Variants in GNA12 observed in about 807,000 individuals in gnomAD.
GNA12 encodes the protein G protein subunit alpha 12, also known as guanine nucleotide-binding protein subunit alpha-12.
GNA12 carries 9 observed loss-of-function variants against 26.0 expected under a neutral mutation model. The observed-to-expected ratio is 0.35, with a 90% CI of 0.21 to 0.60. The LOEUF is 0.60. GNA12 is among the 20% of genes least tolerant of loss of function. The pLI, the probability that GNA12 is intolerant of heterozygous loss-of-function variation, is 0.78. For synonymous variants in GNA12, 264 were observed against 219.6 expected (o/e 1.20, Z -1.79); for missense variants, 405 against 525.8 (o/e 0.77, Z 2.25).
chr7:2,783,159 G>A (rs1055951581), intron 2 of GNA12, among the ~76,000 whole-genome samples: 1 of 152,284 alleles, frequency 6.6e-6, no homozygotes, highest in South Asian at 2.1e-4. Flanking sequence ...GAGTCTGGCT[G>A]TCTCTGTGAT....
intron 2 of GNA12, 97 bp from the exon 3 acceptor site, chr7:2,733,598 G>A (rs1790010858): frequency 1.1e-5 from 10 of 890,072 alleles, no homozygotes; most frequent in Admixed American, 1.9e-5. Flanking sequence ...GTGGCATTTC[G>A]CCTCCGTGTG....
chr7:2,789,483 A>G (rs999917444), intron 2 of GNA12, among the ~76,000 whole-genome samples: 1 of 152,168 alleles, frequency 6.6e-6, no homozygotes, highest in Non-Finnish European at 1.5e-5. Context: ...GAAAAACAGC[A>G]ACTCAGATCT....
chr7:2,768,527 G>GT (rs36000454), intron 2 of GNA12, among the ~76,000 whole-genome samples: 1 of 152,106 alleles, frequency 6.6e-6, no homozygotes, highest in Admixed American at 6.5e-5. Context: ...AATCATGGAT[G>GT]TAACACTCAG....
chr7:2,779,289 A>T (rs1342049538), intron 2 of GNA12, among the ~76,000 whole-genome samples: 1 of 152,150 alleles, frequency 6.6e-6, no homozygotes, highest in Admixed American at 6.5e-5. Context: ...CAGAGGTTGC[A>T]GTGAAACAAG....
chr7:2,774,784 C>T (rs535774985), intron 2 of GNA12, among the ~76,000 whole-genome samples: 1 of 152,156 alleles, frequency 6.6e-6, no homozygotes, highest in South Asian at 2.1e-4. Flanking sequence ...AGTACAAAGC[C>T]CAGGGTACTT....
chr7:2,809,582 A>C (rs894290913), intron 1 of GNA12, among the ~76,000 whole-genome samples: 1 of 152,212 alleles, frequency 6.6e-6, no homozygotes, highest in African/African-American at 2.4e-5. Flanking sequence ...TCGTATGTCA[A>C]AGACAAAATT....
At chr7:2,773,095 T>C (rs1025412609) in intron 2 of GNA12, among the ~76,000 whole-genome samples, 9 of 152,170 alleles carry the variant, frequency 5.9e-5, no homozygotes, top group African/African-American at 2.2e-4. Context: ...GAAACTAGCG[T>C]GGTCACCAGG....
At chr7:2,767,160 T>G (rs779986010) in intron 2 of GNA12, among the ~76,000 whole-genome samples, 1 of 152,238 alleles carries the variant, frequency 6.6e-6, no homozygotes, top group Non-Finnish European at 1.5e-5. Flanking sequence ...ATATATGATT[T>G]GCAAATATTT....
In GNA12 at chr7:2,728,602, G is replaced by A. The variant is rs1422026373; in HGVS notation, c.*2579C>T. 3 of 152,462 alleles carry A rather than the reference G, an allele frequency of 2.0e-5. No individual in the cohort carries two copies. Among genetic ancestry groups the A allele is most frequent in the Non-Finnish European group, 4.4e-5 (3 of 68,018 alleles). 9.4% of individuals were successfully genotyped at this position (152,462 alleles called of 1,614,324 possible). On this transcript the variant is annotated 3_prime_UTR_variant, in exon 4 of 4. Coordinates refer to ENST00000275364, the MANE Select transcript of GNA12 (RefSeq NM_007353.3). Reference sequence around the variant, plus strand: ...TTGTTACATTTTTGCAATAATTGAGGCACAACTACCTCCTGCTTTTCCAAC... The same window carrying A: ...TTGTTACATTTTTGCAATAATTGAGACACAACTACCTCCTGCTTTTCCAAC...
chr7:2,752,524 G>A (rs984376808), intron 2 of GNA12, among the ~76,000 whole-genome samples: 1 of 152,076 alleles, frequency 6.6e-6, no homozygotes, highest in South Asian at 2.1e-4. Flanking sequence ...TCTGCAGATC[G>A]CCTAACTGTT....
In GNA12 at chr7:2,742,178, T is replaced by C. The variant is rs141758925; in HGVS notation, c.526-8677A>G. The stretch of plus-strand genomic sequence containing the variant: ...CTGGGATTACAGAGGTGCACCACCA[T>C]ACCTGGCTAATTTTTGTATTTTTAC... On this transcript the variant is annotated intron_variant, in intron 2 of 3. Transcript: ENST00000275364. 4.2e-3 allele frequency among the ~76,000 whole-genome samples: 631 copies of C among 151,888 alleles called. 5 individuals are homozygous for C. The highest frequency in any genetic ancestry group is 0.015 in the African/African-American group (604 of 41,400).
chr7:2,759,181 AAATAAAT>A (rs1416395070), intron 2 of GNA12, among the ~76,000 whole-genome samples: 46 of 147,688 alleles, frequency 3.1e-4, no homozygotes, highest in East Asian at 5.8e-4. Context: ...ATAAATAAAT[AAATAAAT>A]AAAATAAAAA....
At chr7:2,836,874 G>C (rs546836255) in intron 1 of GNA12, among the ~76,000 whole-genome samples, 6 of 152,164 alleles carry the variant, frequency 3.9e-5, no homozygotes, top group African/African-American at 1.4e-4. Context: ...CAGTGAGCCA[G>C]GATTGCGCCA....
chr7:2,829,981 C>T (rs181770224), intron 1 of GNA12, among the ~76,000 whole-genome samples: 6 of 152,284 alleles, frequency 3.9e-5, no homozygotes, highest in Admixed American at 3.9e-4. Context: ...TAGTAAGTGT[C>T]CCAACCTCCA....
chr7:2,748,845 GCA>G (rs1264493145), intron 2 of GNA12, among the ~76,000 whole-genome samples: 9 of 152,150 alleles, frequency 5.9e-5, no homozygotes, highest in Non-Finnish European at 1.2e-4. Context: ...CAAAAAGTGG[GCA>G]AAGGACATGA....
rs79545479 is a variant in GNA12 at position 2,767,475 on chromosome 7, T to C, written c.525+27453A>G. On this transcript the variant is annotated intron_variant, in intron 2 of 3. Coordinates refer to ENST00000275364, the MANE Select transcript of GNA12 (RefSeq NM_007353.3). ...TATGCTGCATTCCACTGAATAAATG[T>C]ACAATCACTTATGTGACCCTTTCGA... 4.7e-3 allele frequency among the ~76,000 whole-genome samples: 712 copies of C among 152,360 alleles called. 5 individuals are homozygous for C. Among genetic ancestry groups the C allele is most frequent in the African/African-American group, 0.016 (685 of 41,594 alleles).
At position 2,742,059 on chromosome 7, in the gene GNA12, T is replaced by C. The variant is rs543995918; in HGVS notation, c.526-8558A>G. Among the ~76,000 whole-genome samples, 7 of 152,132 alleles carry C rather than the reference T, an allele frequency of 4.6e-5. 1 individual carries two copies. In the South Asian group the frequency reaches 1.5e-3, roughly 32 times the overall value. On this transcript the variant is annotated intron_variant, in intron 2 of 3. Coordinates refer to ENST00000275364, the MANE Select transcript of GNA12 (RefSeq NM_007353.3). ...TTTTTTGAGATGGAGTCTCACCCTG[T>C]TGCCCAGGCTAGAGTGCAGTGGGGC...
chr7:2,792,807 G>A (rs767906714), intron 2 of GNA12, among the ~76,000 whole-genome samples: 7 of 152,174 alleles, frequency 4.6e-5, no homozygotes, highest in African/African-American at 9.7e-5. Flanking sequence ...TAGTAAAAAC[G>A]TCATCCTTAA....
intron 1 of GNA12, among the ~76,000 whole-genome samples, chr7:2,840,281 G>C (rs1376209635): frequency 1.3e-5 from 2 of 152,184 alleles, no homozygotes; most frequent in Admixed American, 1.3e-4. Flanking sequence ...AAAAAGGCAT[G>C]TTTAGTTCCT....
Sources: allele counts gnomAD v4.1 joint callset (sites outside exome capture counted in the v4.1 genomes callset), GRCh38; gene constraint gnomAD v4.1.1; transcripts MANE v1.5; gene names NCBI Gene and HGNC (gene_info 2026-07-23, HGNC 2026-07-21).